Variants in SRRM4 observed in about 807,000 individuals in gnomAD.
The protein encoded by SRRM4 is serine/arginine repetitive matrix protein 4.
SRRM4 carries 33 observed loss-of-function variants against 68.9 expected under a neutral mutation model. That is an observed-to-expected ratio of 0.48 (90% CI 0.36 to 0.64). SRRM4 has a LOEUF of 0.64. Ranked by LOEUF, SRRM4 falls within the 30% of genes least tolerant of loss-of-function variation. SRRM4 has a pLI of 0.00. For missense variants in SRRM4, 817 were observed against 827.1 expected (o/e 0.99, Z 0.15); for synonymous variants, 318 against 318.8 (o/e 1.00, Z 0.03).
In SRRM4 at chr12:119,008,239, A is replaced by C. The variant is rs371487961; in HGVS notation, c.131+26226A>C. Among the ~76,000 whole-genome samples the C allele has an allele frequency of 3.0e-4, 45 of 152,038 alleles. No individual in the cohort carries two copies. The East Asian group carries it at 4.3e-3, about 14-fold the overall frequency. On this transcript the variant is annotated intron_variant, in intron 1 of 12. Coordinates refer to ENST00000267260, the MANE Select transcript of SRRM4 (RefSeq NM_194286.4). ...GCCTCATCTCTACAAAAAATACAAA[A>C]ATTAGCCAGGTGTGGTGGTGCATGC... is the stretch of plus-strand genomic sequence containing the variant.
intron 1 of SRRM4, among the ~76,000 whole-genome samples, chr12:119,083,417 C>T (rs1389940756): frequency 6.6e-6 from 1 of 152,066 alleles, no homozygotes; most frequent in African/African-American, 2.4e-5. Context: ...TTTGGAGCAG[C>T]CTTCAACTAA....
chr12:119,014,779 C>T (rs999940880), intron 1 of SRRM4, among the ~76,000 whole-genome samples: 1 of 152,062 alleles, frequency 6.6e-6, no homozygotes, highest in African/African-American at 2.4e-5. Context: ...CATAAGAGAC[C>T]AGCTCATCCC....
intron 1 of SRRM4, among the ~76,000 whole-genome samples, chr12:119,016,081 C>T (rs1953479227): frequency 6.6e-6 from 1 of 152,108 alleles, no homozygotes; most frequent in African/African-American, 2.4e-5. Flanking sequence ...GGAGAAGACA[C>T]AGATGCACAG....
chr12:119,066,832 G>A (rs969307448), intron 1 of SRRM4, among the ~76,000 whole-genome samples: 1 of 152,130 alleles, frequency 6.6e-6, no homozygotes, highest in South Asian at 2.1e-4. Flanking sequence ...TCCTGCAAAG[G>A]CATCCTACCT....
chr12:118,985,806 G>T (rs1484332505), intron 1 of SRRM4, among the ~76,000 whole-genome samples: 4 of 152,172 alleles, frequency 2.6e-5, no homozygotes. Flanking sequence ...GCCACAATAT[G>T]ATTTCATATC....
intron 1 of SRRM4, among the ~76,000 whole-genome samples, chr12:119,096,386 A>C (rs1379032007): frequency 6.6e-6 from 1 of 152,080 alleles, no homozygotes; most frequent in Non-Finnish European, 1.5e-5. Context: ...CTTGCCAGTT[A>C]ATATCTCAGG....
rs1288926858 is a variant in SRRM4 at position 119,153,711 on chromosome 12, C to G, written c.1391+62C>G. On this transcript the variant is annotated intron_variant, in intron 11 of 12. Coordinates refer to ENST00000267260, the MANE Select transcript of SRRM4 (RefSeq NM_194286.4). ...GCCCCACCCCTTTGCTCTGATCCTCCTCTCTGGCCCCGCCTCCCCGTTCTC... is the reference window on the plus strand; with the variant it reads ...GCCCCACCCCTTTGCTCTGATCCTCGTCTCTGGCCCCGCCTCCCCGTTCTC... 4.8e-6 allele frequency: 6 copies of G among 1,250,130 alleles called. No homozygotes were observed. The East Asian group carries it at 1.3e-4, about 26-fold the overall frequency. The allele number at this position is 1,250,130 out of a possible 1,614,324, so 77.4% of individuals were successfully genotyped here.
intron 2 of SRRM4, among the ~76,000 whole-genome samples, chr12:119,105,822 T>A (rs1388178472): frequency 6.6e-6 from 1 of 152,228 alleles, no homozygotes; most frequent in Non-Finnish European, 1.5e-5. Flanking sequence ...GCTCTTTAGT[T>A]TAATTAGATC....
At chr12:119,091,178 G>C (rs917492944) in intron 1 of SRRM4, among the ~76,000 whole-genome samples, 1 of 152,198 alleles carries the variant, frequency 6.6e-6, no homozygotes, top group Non-Finnish European at 1.5e-5. Context: ...GAAGCCCCCT[G>C]TCTGCAGTTC....
intron 1 of SRRM4, among the ~76,000 whole-genome samples, chr12:119,083,834 C>A (rs1953963874): frequency 6.6e-6 from 1 of 152,156 alleles, no homozygotes; most frequent in African/African-American, 2.4e-5. Flanking sequence ...GAGATAACAG[C>A]AGCTGGGCAT....
At chr12:119,084,606 C>T (rs1953968559) in intron 1 of SRRM4, among the ~76,000 whole-genome samples, 3 of 152,166 alleles carry the variant, frequency 2.0e-5, no homozygotes, top group Admixed American at 2.0e-4. Flanking sequence ...AGTTGGTTCT[C>T]TCATTCAACC....
chr12:119,037,120 C>G (rs953449984), intron 1 of SRRM4, among the ~76,000 whole-genome samples: 2 of 152,080 alleles, frequency 1.3e-5, no homozygotes, highest in Non-Finnish European at 2.9e-5. Context: ...ACCATTTTTC[C>G]TGGGCGTGGT....
chr12:118,994,658 G>A (rs1953338144), intron 1 of SRRM4, among the ~76,000 whole-genome samples: 1 of 152,208 alleles, frequency 6.6e-6, no homozygotes, highest in South Asian at 2.1e-4. Flanking sequence ...ATGTGCTTGG[G>A]CTTGAATTCT....
intron 1 of SRRM4, among the ~76,000 whole-genome samples, chr12:118,994,313 G>T (rs78863005): frequency 0.048 from 7,358 of 152,208 alleles, 230 homozygotes; most frequent in East Asian, 0.13. Flanking sequence ...ACGTAGTGGT[G>T]TGAATTCAGG....
chr12:119,081,705 C>T (rs1285078084), intron 1 of SRRM4, among the ~76,000 whole-genome samples: 1 of 152,178 alleles, frequency 6.6e-6, no homozygotes, highest in African/African-American at 2.4e-5. Context: ...ATTAGGAGGC[C>T]TTTGCAATAA....
chr12:119,096,187 A>ATT (rs749042616), intron 1 of SRRM4, among the ~76,000 whole-genome samples: 2,042 of 134,304 alleles, frequency 0.015, 24 homozygotes, highest in Non-Finnish European at 0.025. Context: ...CGCCCAGCTA[A>ATT]TTTTTTTTTT....
At chr12:119,044,753 A>G (rs1000225825) in intron 1 of SRRM4, among the ~76,000 whole-genome samples, 5 of 152,160 alleles carry the variant, frequency 3.3e-5, no homozygotes, top group East Asian at 3.9e-4. Flanking sequence ...TGGCACATAC[A>G]AAGTGCTTGA....
At chr12:119,051,324 G>C (rs1468280245) in intron 1 of SRRM4, among the ~76,000 whole-genome samples, 1 of 152,140 alleles carries the variant, frequency 6.6e-6, no homozygotes, top group East Asian at 1.9e-4. Flanking sequence ...TCACAAAGTT[G>C]AGCCATCCAA....
chr12:119,031,747 C>G (rs1953591974), intron 1 of SRRM4, among the ~76,000 whole-genome samples: 1 of 151,804 alleles, frequency 6.6e-6, no homozygotes, highest in African/African-American at 2.4e-5. Context: ...TTTGAGAGCT[C>G]ATTTATTTTT....
Sources: allele counts gnomAD v4.1 joint callset (sites outside exome capture counted in the v4.1 genomes callset), GRCh38; gene constraint gnomAD v4.1.1; transcripts MANE v1.5; gene names NCBI Gene and HGNC (gene_info 2026-07-23, HGNC 2026-07-21).